The following RIMS1 variants were observed in gnomAD, a reference collection of about 807,000 sequenced individuals.
The protein encoded by RIMS1 is regulating synaptic membrane exocytosis protein 1.
A neutral mutation model predicts 214.1 loss-of-function variants in RIMS1; 83 were observed. That is an observed-to-expected ratio of 0.39 (90% CI 0.32 to 0.47). The LOEUF is 0.47. RIMS1 is among the 20% of genes least tolerant of loss of function. The pLI, the probability that RIMS1 is intolerant of heterozygous loss-of-function variation, is 0.99. For missense variants in RIMS1, 2,050 were observed against 2,161.8 expected, an observed-to-expected ratio of 0.95 and a Z score of 1.03; for synonymous variants, 793 against 786.8, an observed-to-expected ratio of 1.01 and a Z score of -0.13.
intron 2 of RIMS1, among the ~76,000 whole-genome samples, chr6:71,979,460 A>G (rs745589133): frequency 8.5e-5 from 13 of 152,098 alleles, no homozygotes; most frequent in Non-Finnish European, 1.6e-4. Context: ...AATTTTAGTC[A>G]TATACATGAC....
intron 29 of RIMS1, among the ~76,000 whole-genome samples, chr6:72,340,077 T>C (rs2097001430): frequency 6.6e-6 from 1 of 152,214 alleles, no homozygotes; most frequent in Non-Finnish European, 1.5e-5. Context: ...GCTGCATAAA[T>C]GTCTTCTTTT....
At chr6:72,335,160 C>A (rs1474702756) in intron 29 of RIMS1, among the ~76,000 whole-genome samples, 1 of 151,902 alleles carries the variant, frequency 6.6e-6, no homozygotes, top group Non-Finnish European at 1.5e-5. Flanking sequence ...TTGCTGCACC[C>A]ATCAACCCAC....
chr6:71,894,529 C>T (rs1457833295), intron 1 of RIMS1, among the ~76,000 whole-genome samples: 1 of 152,100 alleles, frequency 6.6e-6, no homozygotes, highest in African/African-American at 2.4e-5. Context: ...TTTAAAATTT[C>T]AAAACATTTT....
chr6:71,895,732 AGCTGCT>A (rs1319868648), intron 1 of RIMS1, among the ~76,000 whole-genome samples: 1 of 3,194 alleles, frequency 3.1e-4, no homozygotes, highest in African/African-American at 4.3e-3. Context: ...TAGGATGTCT[AGCTGCT>A]AGCTGTTTTG....
intron 2 of RIMS1, among the ~76,000 whole-genome samples, chr6:71,975,229 T>C (rs1156451784): frequency 1.3e-5 from 2 of 152,138 alleles, no homozygotes; most frequent in South Asian, 2.1e-4. Flanking sequence ...AAACGAGGAT[T>C]GGAGGACTTA....
intron 26 of RIMS1, among the ~76,000 whole-genome samples, chr6:72,298,321 C>T (rs1223348640): frequency 2.6e-5 from 4 of 151,934 alleles, no homozygotes; most frequent in South Asian, 2.1e-4. Flanking sequence ...ATTTTCACAA[C>T]AACTTGAGAC....
chr6:72,215,984 T>C (rs2055818369), intron 6 of RIMS1, among the ~76,000 whole-genome samples: 1 of 152,226 alleles, frequency 6.6e-6, no homozygotes, highest in Non-Finnish European at 1.5e-5. Flanking sequence ...CTCTCTATCC[T>C]CATTTGGCCA....
intron 1 of RIMS1, among the ~76,000 whole-genome samples, chr6:71,919,387 T>C (rs1158653388): frequency 1.3e-5 from 2 of 151,808 alleles, no homozygotes; most frequent in African/African-American, 4.8e-5. Flanking sequence ...ATAATAAATA[T>C]AAACAGAGGA....
At position 72,205,196 on chromosome 6, in the gene RIMS1, A is replaced by G. The variant is rs185294508; in HGVS notation, c.1678+22047A>G. Among the ~76,000 whole-genome samples the G allele has an allele frequency of 1.7e-3, 265 of 152,260 alleles. 2 individuals are homozygous for G. Among genetic ancestry groups the G allele is most frequent in the African/African-American group, 6.2e-3 (259 of 41,584 alleles). On this transcript the variant is annotated intron_variant, in intron 6 of 33. Coordinates refer to ENST00000521978, the MANE Select transcript of RIMS1 (RefSeq NM_014989.7). ...TAGACATTAATTTAGTGTGTATTCT[A>G]ATGACAGAGAAAAAAAATTATGCAT...
intron 4 of RIMS1, among the ~76,000 whole-genome samples, chr6:72,172,746 C>T (rs2047198852): frequency 6.6e-6 from 1 of 152,170 alleles, no homozygotes; most frequent in South Asian, 2.1e-4. Flanking sequence ...ATTCCTTTAT[C>T]CTATGAAGTT....
intron 2 of RIMS1, among the ~76,000 whole-genome samples, chr6:71,999,603 AAATTTGGTCTC>A (rs1804510234): frequency 1.3e-5 from 2 of 152,268 alleles, no homozygotes; most frequent in Non-Finnish European, 2.9e-5. Flanking sequence ...TGACAGCTTG[AAATTTGGTCTC>A]AATCTGGCCT....
At chr6:72,214,726 CTTTT>C (rs922731271) in intron 6 of RIMS1, among the ~76,000 whole-genome samples, 1 of 146,042 alleles carries the variant, frequency 6.8e-6, no homozygotes, top group Non-Finnish European at 1.5e-5. Flanking sequence ...TTCATGCATT[CTTTT>C]TTTTTTTGGG....
intron 1 of RIMS1, among the ~76,000 whole-genome samples, chr6:71,946,416 G>T (rs1160285376): frequency 1.3e-5 from 2 of 152,120 alleles, no homozygotes; most frequent in African/African-American, 4.8e-5. Context: ...ACAGCATAGT[G>T]CTGGCATAAA....
chr6:72,115,906 C>T (rs2036980142), intron 4 of RIMS1, among the ~76,000 whole-genome samples: 1 of 151,758 alleles, frequency 6.6e-6, no homozygotes, highest in African/African-American at 2.4e-5. Flanking sequence ...AATTGTGTTA[C>T]AGATATAATT....
intron 2 of RIMS1, among the ~76,000 whole-genome samples, chr6:72,089,585 C>G (rs1367986271): frequency 2.0e-5 from 3 of 151,990 alleles, no homozygotes; most frequent in Admixed American, 2.0e-4. Context: ...GTAGCTGGGT[C>G]TACAGACATG....
chr6:72,002,314 A>T (rs1401967324), intron 2 of RIMS1, among the ~76,000 whole-genome samples: 1 of 152,170 alleles, frequency 6.6e-6, no homozygotes, highest in Non-Finnish European at 1.5e-5. Context: ...GCAAAAAAAA[A>T]AAAATTACAA....
Position 72,235,655 on chromosome 6 carries a change from G to A in RIMS1, c.1784G>A (p.Arg595Gln), listed in dbSNP as rs368099198. 5.0e-5 allele frequency: 80 copies of A among 1,610,994 alleles called. No individual in the cohort carries two copies. The highest frequency in any genetic ancestry group is 6.6e-5 in the Non-Finnish European group (78 of 1,178,426). ...TGGCAACCATCTAAAGAGGGGGACC[G>A]ATTAATTGGACGTGTTATTCTTAAC... is the stretch of plus-strand genomic sequence containing the variant. The part of the protein sequence containing the change: ...VTWQPSKEGD[R>Q]LIGRVILNKR... The change falls in exon 8 of 34, where the codon CGA (arginine) becomes CAA (glutamine). Residue 595 changes from arginine to glutamine, a missense_variant. Around this residue, in one of 6 missense-constraint regions of RIMS1, gnomAD observed 882 missense variants for 828.9 expected, o/e 1.06. Coordinates refer to ENST00000521978, the MANE Select transcript of RIMS1 (RefSeq NM_014989.7).
intron 2 of RIMS1, among the ~76,000 whole-genome samples, chr6:72,006,852 A>G (rs1403032201): frequency 6.6e-6 from 1 of 152,182 alleles, no homozygotes; most frequent in African/African-American, 2.4e-5. Context: ...GGAGCCCACC[A>G]CAGATGAAGG....
In RIMS1 at chr6:72,333,781, G is replaced by T; in HGVS notation, c.4312G>T (p.Val1438Leu). 6.3e-7 allele frequency: 1 copy of T among 1,597,838 alleles called. No individual in the cohort carries two copies. The highest frequency in any genetic ancestry group is 1.7e-5 in the Admixed American group (1 of 57,772). Reference sequence around the variant, plus strand: ...ACGGAGATCCAGCCTTAGTGCCAAAGTGGTTGCCATAGTGTCTCGAAGGAG... The same window carrying T: ...ACGGAGATCCAGCCTTAGTGCCAAATTGGTTGCCATAGTGTCTCGAAGGAG... The part of the protein sequence containing the change: ...KKRRSSLSAK[V>L]VAIVSRRSRS... The change falls in exon 29 of 34, where the codon GTG (valine) becomes TTG (leucine). Residue 1438 changes from valine to leucine, a missense_variant. Around this residue, in one of 6 missense-constraint regions of RIMS1, gnomAD observed 889 missense variants for 885.5 expected, o/e 1.00. Transcript: ENST00000521978.
Sources: gnomAD v4.1 joint callset for allele counts (sites outside exome capture counted in the v4.1 genomes callset) on GRCh38, gnomAD v4.1.1 for gene constraint, gnomAD v4.1.1 regional missense constraint, MANE v1.5 for transcripts, NCBI Gene and HGNC (gene_info 2026-07-23, HGNC 2026-07-21) for gene names.